Variants in SLMAP observed in about 807,000 individuals in gnomAD.
SLMAP encodes sarcolemma associated protein.
A neutral mutation model predicts 128.8 loss-of-function variants in SLMAP; 44 were observed. The ratio of observed to expected loss-of-function variants is 0.34; its 90% confidence interval spans 0.27 to 0.44. The LOEUF (loss-of-function observed/expected upper bound fraction) is 0.44, where lower values mean the gene tolerates loss of function less well. SLMAP is among the 20% of genes least tolerant of loss of function. SLMAP has a pLI of 1.00. For synonymous variants in SLMAP, 327 were observed against 348.8 expected (o/e 0.94, Z 0.70); for missense variants, 787 against 985.3 (o/e 0.80, Z 2.69).
intron 2 of SLMAP, among the ~76,000 whole-genome samples, chr3:57,761,843 C>T (rs1488330186): frequency 6.7e-5 from 10 of 148,188 alleles, no homozygotes; most frequent in African/African-American, 1.7e-4. Context: ...GTCAGGAGAT[C>T]GAGACCATCC....
intron 19 of SLMAP, 112 bp from the exon 20 acceptor site, chr3:57,912,269 C>T (rs938512831): frequency 1.2e-6 from 1 of 868,286 alleles, no homozygotes; most frequent in Non-Finnish European, 1.8e-6. Context: ...TGTTTATACA[C>T]TTTAATCAAA....
Position 57,858,123 on chromosome 3 carries a change from A to G in SLMAP, c.651A>G (p.Leu217=), listed in dbSNP as rs74857771. 1.2e-4 allele frequency: 186 copies of G among 1,602,720 alleles called. 1 individual carries two copies. The East Asian group carries it at 4.1e-3, about 35-fold the overall frequency. The change falls in exon 8 of 25, where the codon TTA becomes TTG. Residue 217 remains leucine (L), a synonymous_variant. Coordinates refer to ENST00000671191, the MANE Select transcript of SLMAP (RefSeq NM_001377540.1). ...ATGAAGATAGACTCTTATCACGGTT[A>G]GAAGTTATGGGAAACCAATTACAGG... The part of the protein sequence containing the change: ...LIDEDRLLSR[L]EVMGNQLQAC...
intron 14 of SLMAP, among the ~76,000 whole-genome samples, chr3:57,885,838 C>T (rs2095871709): frequency 8.4e-6 from 1 of 118,362 alleles, no homozygotes; most frequent in Non-Finnish European, 1.6e-5. Context: ...GGCTGGAGTG[C>T]AGTGGTGCGA....
chr3:57,864,219 C>T (rs930268845), intron 10 of SLMAP, among the ~76,000 whole-genome samples: 1 of 152,142 alleles, frequency 6.6e-6, no homozygotes, highest in Non-Finnish European at 1.5e-5. Context: ...ACCAGCCTGA[C>T]CAACATGGAG....
chr3:57,869,410 C>CCT (rs1296604146), intron 13 of SLMAP, among the ~76,000 whole-genome samples: 1 of 151,090 alleles, frequency 6.6e-6, no homozygotes, highest in East Asian at 1.9e-4. Flanking sequence ...TACTTTGTAT[C>CCT]CTTTAATCCA....
chr3:57,927,364 A>C lies in SLMAP; in HGVS notation c.*75A>C. On this transcript the variant is annotated 3_prime_UTR_variant, in exon 25 of 25. Transcript: ENST00000671191. ...TAACAGCCATCGTGCTGTACGTGCC[A>C]GGTCTGGCCAGAGCTTCTCCATGAG... 6.3e-7 allele frequency: 1 copy of C among 1,591,480 alleles called. No individual in the cohort carries two copies. Among genetic ancestry groups the C allele is most frequent in the Non-Finnish European group, 8.6e-7 (1 of 1,163,364 alleles).
chr3:57,761,813 C>T (rs1038374916), intron 2 of SLMAP, among the ~76,000 whole-genome samples: 4 of 146,084 alleles, frequency 2.7e-5, no homozygotes, highest in African/African-American at 7.6e-5. Flanking sequence ...TTTGGGAGGC[C>T]GAGGCGGGTG....
chr3:57,889,107 G>A (rs1415746331), intron 14 of SLMAP, among the ~76,000 whole-genome samples: 2 of 152,086 alleles, frequency 1.3e-5, no homozygotes, highest in Non-Finnish European at 2.9e-5. Context: ...GATGGTCTCT[G>A]TCTCCTGACC....
At chr3:57,790,182 CTGA>C (rs1293020549) in intron 2 of SLMAP, among the ~76,000 whole-genome samples, 3 of 152,130 alleles carry the variant, frequency 2.0e-5, no homozygotes, top group Admixed American at 1.3e-4. Flanking sequence ...CTTTGCATTT[CTGA>C]TGATAGCAAA....
intron 2 of SLMAP, among the ~76,000 whole-genome samples, chr3:57,829,900 G>GA: frequency 6.6e-6 from 1 of 152,294 alleles, no homozygotes. Context: ...AAGTAATGAG[G>GA]AAAAATGGCC....
At chr3:57,788,184 G>A (rs1422870232) in intron 2 of SLMAP, among the ~76,000 whole-genome samples, 1 of 152,248 alleles carries the variant, frequency 6.6e-6, no homozygotes, top group Non-Finnish European at 1.5e-5. Context: ...TCATATAGGA[G>A]AGAGGACAGG....
At chr3:57,772,939 C>A (rs1413789192) in intron 2 of SLMAP, among the ~76,000 whole-genome samples, 1 of 152,190 alleles carries the variant, frequency 6.6e-6, no homozygotes, top group Non-Finnish European at 1.5e-5. Context: ...CACGCCCAGC[C>A]TACCATCATG....
At chr3:57,926,091 G>A (rs919562068) in intron 24 of SLMAP, 157 bp downstream of exon 24, 2 of 614,206 alleles carry the variant, frequency 3.3e-6, no homozygotes, top group East Asian at 2.8e-5. Context: ...CCAATGAACT[G>A]AACAGTCAAC....
intron 13 of SLMAP, among the ~76,000 whole-genome samples, chr3:57,868,295 C>T (rs1023322210): frequency 6.6e-6 from 1 of 151,876 alleles, no homozygotes; most frequent in African/African-American, 2.4e-5. Context: ...GAGCCACATA[C>T]ATAATTTTAA....
At chr3:57,853,564 G>A (rs1004583014) in intron 6 of SLMAP, among the ~76,000 whole-genome samples, 4 of 152,122 alleles carry the variant, frequency 2.6e-5, no homozygotes, top group African/African-American at 7.2e-5. Flanking sequence ...TTGATTCTGA[G>A]TAAAGGAGTC....
chr3:57,781,885 A>C (rs2083163291), intron 2 of SLMAP, among the ~76,000 whole-genome samples: 1 of 151,974 alleles, frequency 6.6e-6, no homozygotes, highest in East Asian at 1.9e-4. Flanking sequence ...GGCATGCAGC[A>C]CCACACCCAG....
At chr3:57,918,630 A>G (rs2096858668) in intron 22 of SLMAP, 1 of 152,166 alleles carries the variant, frequency 6.6e-6, no homozygotes, top group Non-Finnish European at 1.5e-5. Context: ...ACTATATACT[A>G]TAGTTTAGTT....
chr3:57,894,447 A>G (rs1383539310), intron 15 of SLMAP, among the ~76,000 whole-genome samples: 1 of 152,250 alleles, frequency 6.6e-6, no homozygotes, highest in Non-Finnish European at 1.5e-5. Context: ...AGCATTATGT[A>G]TCGCATATGT....
At chr3:57,846,556 T>C (rs1180399633) in intron 4 of SLMAP, among the ~76,000 whole-genome samples, 1 of 138,432 alleles carries the variant, frequency 7.2e-6, no homozygotes, top group African/African-American at 2.7e-5. Context: ...AATGGATAAT[T>C]TTTTTTTTTT....
Sources: allele counts gnomAD v4.1 joint callset (sites outside exome capture counted in the v4.1 genomes callset), GRCh38; gene constraint gnomAD v4.1.1; transcripts MANE v1.5; gene names NCBI Gene and HGNC (gene_info 2026-07-23, HGNC 2026-07-21).